SDK1: variants seen among roughly 807,000 people sequenced by gnomAD.
SDK1 encodes the protein sidekick cell adhesion molecule 1, also known as protein sidekick-1.
Under a neutral mutation model 245.5 loss-of-function variants are expected in SDK1, and 157 were observed. The observed-to-expected ratio is 0.64, with a 90% CI of 0.56 to 0.73. The LOEUF (loss-of-function observed/expected upper bound fraction) is 0.73, where lower values mean the gene tolerates loss of function less well. Ranked by LOEUF, SDK1 falls within the 30% of genes least tolerant of loss-of-function variation. The pLI is 0.00. For missense variants in SDK1, 3,583 were observed against 3,002.3 expected, an observed-to-expected ratio of 1.19 and a Z score of -4.52; for synonymous variants, 1,647 against 1,278.5, an observed-to-expected ratio of 1.29 and a Z score of -6.15.
At chr7:3,733,403 T>C (rs920212678) in intron 4 of SDK1, among the ~76,000 whole-genome samples, 1 of 152,158 alleles carries the variant, frequency 6.6e-6, no homozygotes, top group South Asian at 2.1e-4. Context: ...GTGTGCATGA[T>C]TGATTTGTAG....
At chr7:4,037,091 A>G (rs971781912) in intron 17 of SDK1, among the ~76,000 whole-genome samples, 1 of 152,214 alleles carries the variant, frequency 6.6e-6, no homozygotes, top group Admixed American at 6.5e-5. Context: ...TTGTTCATAG[A>G]TTCTTGCAAA....
At chr7:3,685,805 G>A (rs1784264692) in intron 4 of SDK1, among the ~76,000 whole-genome samples, 4 of 151,708 alleles carry the variant, frequency 2.6e-5, no homozygotes, top group African/African-American at 9.7e-5. Context: ...AAATCACAAC[G>A]GACTTCTAAA....
intron 4 of SDK1, among the ~76,000 whole-genome samples, chr7:3,791,297 T>C (rs961434736): frequency 6.6e-6 from 1 of 151,772 alleles, no homozygotes; most frequent in Admixed American, 6.6e-5. Context: ...AGCCAGTGAG[T>C]AGGAGTTGTG....
chr7:3,557,710 T>C (rs1023607684), intron 1 of SDK1, among the ~76,000 whole-genome samples: 1 of 152,236 alleles, frequency 6.6e-6, no homozygotes, highest in Admixed American at 6.5e-5. Context: ...AGAATCTCTT[T>C]GTATTACATC....
At chr7:3,440,792 A>C (rs1452219047) in intron 1 of SDK1, among the ~76,000 whole-genome samples, 1 of 152,236 alleles carries the variant, frequency 6.6e-6, no homozygotes, top group Non-Finnish European at 1.5e-5. Context: ...GTTGCACCTC[A>C]AACTGCAAAA....
chr7:3,961,254 C>T (rs1265210940), intron 8 of SDK1, among the ~76,000 whole-genome samples: 1 of 152,198 alleles, frequency 6.6e-6, no homozygotes, highest in Admixed American at 6.5e-5. Flanking sequence ...TGAGATATTA[C>T]ATGAATTGGT....
At chr7:3,438,849 ATTTTTTTTTT>A (rs527596036) in intron 1 of SDK1, among the ~76,000 whole-genome samples, 1 of 131,200 alleles carries the variant, frequency 7.6e-6, no homozygotes. Context: ...TTGTATTAAT[ATTTTTTTTTT>A]TTTTTTTTTT....
intron 4 of SDK1, among the ~76,000 whole-genome samples, chr7:3,658,364 C>T (rs1783252834): frequency 6.6e-6 from 1 of 152,122 alleles, no homozygotes; most frequent in African/African-American, 2.4e-5. Context: ...TCCAGTCAAT[C>T]AGTGAGCACT....
rs541447646 is a variant in SDK1, at chr7:4,183,757, C to G, written c.5098+5171C>G. Reference sequence around the variant, plus strand: ...TACAAAGGCAGTTTCCACCCCCAAACGAGGAGGGGGATTGGCTTTAGGGAA... The same window carrying G: ...TACAAAGGCAGTTTCCACCCCCAAAGGAGGAGGGGGATTGGCTTTAGGGAA... On this transcript the variant is annotated intron_variant, in intron 35 of 44. Transcript: ENST00000404826. Among the ~76,000 whole-genome samples the G allele has an allele frequency of 9.2e-5, 14 of 152,160 alleles. No individual in the cohort carries two copies. The East Asian group carries it at 2.7e-3, about 29-fold the overall frequency.
intron 1 of SDK1, among the ~76,000 whole-genome samples, chr7:3,476,952 T>C (rs1583916463): frequency 6.6e-6 from 1 of 152,108 alleles, no homozygotes; most frequent in Non-Finnish European, 1.5e-5. Flanking sequence ...GGACGGAGAC[T>C]CTGTAGGCGT....
chr7:4,053,293 A>G (rs371376367), intron 19 of SDK1, among the ~76,000 whole-genome samples: 1 of 151,930 alleles, frequency 6.6e-6, no homozygotes, highest in East Asian at 1.9e-4. Context: ...GCAGAGGCCA[A>G]GGCCACCAAG....
At position 3,527,343 on chromosome 7, in the gene SDK1, C is replaced by T. The variant is rs566183102; in HGVS notation, c.299-91737C>T. On this transcript the variant is annotated intron_variant, in intron 1 of 44. Transcript: ENST00000404826. Reference sequence around the variant, plus strand: ...AGAGTGTTGAGTACTGTGAAGAACACGAAGCGCGATGTGAACGTGGAGATG... The same window carrying T: ...AGAGTGTTGAGTACTGTGAAGAACATGAAGCGCGATGTGAACGTGGAGATG... 1.4e-4 allele frequency among the ~76,000 whole-genome samples: 21 copies of T among 152,134 alleles called. No homozygotes were observed. In the East Asian group the frequency reaches 2.9e-3, roughly 21 times the overall value.
chr7:4,011,180 C>A, intron 15 of SDK1, 67 bp downstream of exon 15: 1 of 1,560,890 alleles, frequency 6.4e-7, no homozygotes, highest in Non-Finnish European at 8.7e-7. Context: ...AGAGAAGCAT[C>A]ACATTATGTG....
intron 4 of SDK1, among the ~76,000 whole-genome samples, chr7:3,722,116 G>A (rs1778828762): frequency 6.6e-6 from 1 of 152,084 alleles, no homozygotes; most frequent in African/African-American, 2.4e-5. Context: ...CTGAGCTCTA[G>A]TGATCTTCCT....
intron 37 of SDK1, among the ~76,000 whole-genome samples, chr7:4,209,077 G>A (rs1584450719): frequency 6.6e-6 from 1 of 152,210 alleles, no homozygotes; most frequent in Non-Finnish European, 1.5e-5. Context: ...AATGGACTCC[G>A]GGAATCAGGG....
Position 3,927,230 on chromosome 7 carries a change from C to A in SDK1, c.848-23693C>A, listed in dbSNP as rs75914416. On this transcript the variant is annotated intron_variant, in intron 5 of 44. Coordinates refer to ENST00000404826, the MANE Select transcript of SDK1 (RefSeq NM_152744.4). ...AGGAACGTGCTGGTATTCCAGAATT[C>A]TTTTCTTAAAAAAGTAACGTTCCAA... is the stretch of plus-strand genomic sequence containing the variant. Among the ~76,000 whole-genome samples, 729 of 152,276 alleles carry A rather than the reference C, an allele frequency of 4.8e-3. 6 individuals are homozygous for A. The highest frequency in any genetic ancestry group is 0.016 in the African/African-American group (685 of 41,542).
In SDK1 at chr7:3,967,420, T is replaced by G. The variant is rs759009772; in HGVS notation, c.1532T>G (p.Ile511Ser). The change falls in exon 10 of 45, where the codon ATC (isoleucine) becomes AGC (serine). Residue 511 changes from isoleucine to serine, a missense_variant. Physicochemically the swap from Ile to Ser is moderately radical, Grantham distance 142. Transcript: ENST00000404826. Reference sequence around the variant, plus strand: ...GTGTCCGGGGCTCCCAAACCCGCCATCACCTGGAAAAGAGGTGGGTAGCAT... The same window carrying G: ...GTGTCCGGGGCTCCCAAACCCGCCAGCACCTGGAAAAGAGGTGGGTAGCAT... The part of the protein sequence containing the change: ...CEVSGAPKPA[I>S]TWKRENHILA... The G allele has an allele frequency of 6.8e-6, 11 of 1,612,342 alleles. No individual in the cohort carries two copies. Among genetic ancestry groups the G allele is most frequent in the Non-Finnish European group, 9.3e-6 (11 of 1,178,502 alleles).
At chr7:3,322,277 ATGTTTGAGGTTCATCTGGGTTGTGTTTTG>A (rs1156782892) in intron 1 of SDK1, among the ~76,000 whole-genome samples, 6 of 152,036 alleles carry the variant, frequency 3.9e-5, no homozygotes, top group Non-Finnish European at 5.9e-5. Context: ...GCCTGGTGTG[ATGTTTGAGGTTCATCTGGGTTGTGTTTTG>A]TCATTACATC....
At chr7:4,104,861 C>G (rs1460188001) in intron 22 of SDK1, among the ~76,000 whole-genome samples, 3 of 151,160 alleles carry the variant, frequency 2.0e-5, no homozygotes, top group South Asian at 2.1e-4. Context: ...GCCACCATGC[C>G]TGGCTAATTT....
Sources: gnomAD v4.1 joint callset for allele counts (sites outside exome capture counted in the v4.1 genomes callset) on GRCh38, gnomAD v4.1.1 for gene constraint, MANE v1.5 for transcripts, NCBI Gene and HGNC (gene_info 2026-07-23, HGNC 2026-07-21) for gene names.